The following RNF220 variants were observed in gnomAD, a reference collection of about 807,000 sequenced individuals.
RNF220 encodes ring finger protein 220.
A neutral mutation model predicts 67.1 loss-of-function variants in RNF220; 7 were observed. That is an observed-to-expected ratio of 0.10 (90% confidence interval 0.06 to 0.20). The LOEUF is 0.20. Ranked by LOEUF, RNF220 falls within the 10% of genes least tolerant of loss-of-function variation. The probability of loss-of-function intolerance (pLI) is 1.00; values close to 1 mark genes in which losing one functional copy is unlikely to be tolerated. For missense variants in RNF220, 565 were observed against 740.3 expected, an observed-to-expected ratio of 0.76 and a Z score of 2.75; for synonymous variants, 270 against 283.2, an observed-to-expected ratio of 0.95 and a Z score of 0.47.
intron 2 of RNF220, among the ~76,000 whole-genome samples, chr1:44,484,872 G>T (rs1372782544): frequency 6.6e-6 from 1 of 152,200 alleles, no homozygotes; most frequent in South Asian, 2.1e-4. Context: ...AGCCGGGCAC[G>T]GTGGCTCACG....
At chr1:44,472,865 G>A (rs951199650) in intron 2 of RNF220, among the ~76,000 whole-genome samples, 6 of 152,194 alleles carry the variant, frequency 3.9e-5, no homozygotes, top group African/African-American at 7.2e-5. Flanking sequence ...GGATGGGTGC[G>A]CGTGCCTGTG....
intron 2 of RNF220, among the ~76,000 whole-genome samples, chr1:44,441,765 A>G (rs1651582194): frequency 6.6e-6 from 1 of 152,232 alleles, no homozygotes; most frequent in Non-Finnish European, 1.5e-5. Context: ...GCATTTCATC[A>G]TTCATTCCAC....
chr1:44,608,714 G>T (rs143625727), intron 2 of RNF220, among the ~76,000 whole-genome samples: 1 of 152,164 alleles, frequency 6.6e-6, no homozygotes, highest in African/African-American at 2.4e-5. Context: ...TGGATAAACC[G>T]ACATATAAAC....
intron 2 of RNF220, among the ~76,000 whole-genome samples, chr1:44,514,196 A>G (rs1234586613): frequency 6.6e-6 from 1 of 152,214 alleles, no homozygotes. Flanking sequence ...GTTAAGTGCC[A>G]TAATCTCAGC....
At chr1:44,441,302 C>A (rs534598135) in intron 2 of RNF220, among the ~76,000 whole-genome samples, 7 of 152,016 alleles carry the variant, frequency 4.6e-5, no homozygotes, top group Non-Finnish European at 8.8e-5. Flanking sequence ...TCATGCCTGG[C>A]AGGATGTTAA....
intron 2 of RNF220, among the ~76,000 whole-genome samples, chr1:44,503,190 T>G (rs1206711278): frequency 6.6e-6 from 1 of 151,836 alleles, no homozygotes; most frequent in Non-Finnish European, 1.5e-5. Flanking sequence ...AAAAATTAGC[T>G]GGGTATGGTG....
intron 2 of RNF220, among the ~76,000 whole-genome samples, chr1:44,520,289 C>T (rs368323806): frequency 3.3e-5 from 5 of 151,708 alleles, no homozygotes; most frequent in African/African-American, 7.3e-5. Context: ...AGTGAAACCC[C>T]GTCTCTACTA....
At chr1:44,512,877 C>T (rs562358250) in intron 2 of RNF220, among the ~76,000 whole-genome samples, 2 of 152,232 alleles carry the variant, frequency 1.3e-5, no homozygotes, top group East Asian at 3.9e-4. Flanking sequence ...AGCTCGGTGG[C>T]TCCTGGAGCA....
chr1:44,524,205 A>G (rs1660173215), intron 2 of RNF220, among the ~76,000 whole-genome samples: 1 of 152,072 alleles, frequency 6.6e-6, no homozygotes, highest in African/African-American at 2.4e-5. Flanking sequence ...TATTTAGTCT[A>G]GAGCCTGGTA....
rs984897254 is a variant in RNF220 at position 44,405,473 on chromosome 1, C to G, written c.-175C>G. 1.3e-5 allele frequency: 7 copies of G among 535,558 alleles called. No homozygotes were observed. The highest frequency in any genetic ancestry group is 2.3e-5 in the Non-Finnish European group (7 of 302,914). 33.2% of individuals were successfully genotyped at this position (535,558 alleles called of 1,614,324 possible). ...ACTTTTCATGCACCACACTCTCCGC[C>G]TGCTTCCCTCCGTGTCCTGAAAAGT... On this transcript the variant is annotated 5_prime_UTR_variant, in exon 1 of 15. Transcript: ENST00000361799.
At chr1:44,646,612 A>G (rs1320375800) in intron 12 of RNF220, among the ~76,000 whole-genome samples, 2 of 152,232 alleles carry the variant, frequency 1.3e-5, no homozygotes, top group African/African-American at 4.8e-5. Flanking sequence ...GGCTGCTCAT[A>G]AATCAGAAAG....
At chr1:44,424,254 A>G (rs1179916497) in intron 2 of RNF220, among the ~76,000 whole-genome samples, 1 of 152,212 alleles carries the variant, frequency 6.6e-6, no homozygotes, top group Non-Finnish European at 1.5e-5. Context: ...GCTTTCCCAG[A>G]ATGTGATCTA....
At chr1:44,583,864 T>C (rs867458186) in intron 2 of RNF220, among the ~76,000 whole-genome samples, 7 of 152,232 alleles carry the variant, frequency 4.6e-5, no homozygotes, top group Non-Finnish European at 1.0e-4. Flanking sequence ...ATTGAATTTC[T>C]GAATGGATGG....
chr1:44,538,135 A>C (rs1164644960), intron 2 of RNF220, among the ~76,000 whole-genome samples: 1 of 152,146 alleles, frequency 6.6e-6, no homozygotes, highest in Non-Finnish European at 1.5e-5. Flanking sequence ...TCATGCCTTC[A>C]AGTTGTTGAT....
chr1:44,501,501 C>T (rs1455942899), intron 2 of RNF220, among the ~76,000 whole-genome samples: 3 of 152,018 alleles, frequency 2.0e-5, no homozygotes, highest in African/African-American at 7.3e-5. Context: ...TTTCCCTTCC[C>T]GGGCCCAGGT....
rs1164737884 is a variant in RNF220, at chr1:44,649,331, G to C, written c.1446-330G>C. 1 of 376,066 alleles carries C rather than the reference G, an allele frequency of 2.7e-6. No homozygotes were observed. The highest frequency in any genetic ancestry group is 4.9e-6 in the Non-Finnish European group (1 of 203,134). 23.3% of individuals were successfully genotyped at this position (376,066 alleles called of 1,614,324 possible). On this transcript the variant is annotated intron_variant, in intron 12 of 14. Coordinates refer to ENST00000361799, the MANE Select transcript of RNF220 (RefSeq NM_018150.4). This position sits in a 1 kb window ranked among gnomAD's most constrained non-coding sequence, Gnocchi z 5.9. ...TGGAATTGGTGGAAGACATCTGAGA[G>C]CCTGGACTCATGGTGGTGAGGAGAG... is the stretch of plus-strand genomic sequence containing the variant.
At chr1:44,404,821 G>C (rs1355661561), upstream of RNF220, among the ~76,000 whole-genome samples, 1 of 152,134 alleles carries the variant, frequency 6.6e-6, no homozygotes, top group Non-Finnish European at 1.5e-5. Context: ...CAGCAGGTAA[G>C]ATTTTTCTGG....
intron 6 of RNF220, 170 bp downstream of exon 6, chr1:44,632,555 C>T: frequency 1.5e-6 from 1 of 689,584 alleles, no homozygotes; most frequent in Non-Finnish European, 2.5e-6. Context: ...TCTCAGTTTC[C>T]CCGTCTGTCT....
At chr1:44,575,738 T>C (rs1664757974) in intron 2 of RNF220, among the ~76,000 whole-genome samples, 1 of 152,202 alleles carries the variant, frequency 6.6e-6, no homozygotes, top group African/African-American at 2.4e-5. Flanking sequence ...GAAAACGATA[T>C]GGAGATTCTC....
Sources: allele counts gnomAD v4.1 joint callset (sites outside exome capture counted in the v4.1 genomes callset), GRCh38; gene constraint gnomAD v4.1.1; non-coding constraint Gnocchi (gnomAD v3.1); transcripts MANE v1.5; gene names NCBI Gene and HGNC (gene_info 2026-07-23, HGNC 2026-07-21).